The following SRGAP3 variants were observed in gnomAD, a reference collection of about 807,000 sequenced individuals.
SRGAP3 encodes the protein SLIT-ROBO Rho GTPase activating protein 3.
Under a neutral mutation model 121.1 loss-of-function variants are expected in SRGAP3, and 39 were observed. That is an observed-to-expected ratio of 0.32 (90% CI 0.25 to 0.42). The LOEUF (loss-of-function observed/expected upper bound fraction) is 0.42. Ranked by LOEUF, SRGAP3 falls within the 10% of genes least tolerant of loss-of-function variation. SRGAP3 has a pLI of 1.00. For synonymous variants in SRGAP3, 601 were observed against 570.0 expected, an observed-to-expected ratio of 1.05 and a Z score of -0.77; for missense variants, 1,213 against 1,470.6, an observed-to-expected ratio of 0.82 and a Z score of 2.86.
At position 9,013,811 on chromosome 3, in the gene SRGAP3, C is replaced by T; in HGVS notation, c.1845G>A (p.Gln615=). ...KLENPAERVH[Q]IQQILVTLPR... ...GAAGGGTGACGAGGATTTGTTGGAT[C>T]TGGTGCACCCTCTCGGCTGGGTTCT... The change falls in exon 16 of 22, where the codon CAG becomes CAA. Residue 615 remains glutamine, a synonymous_variant. Coordinates refer to ENST00000383836, the MANE Select transcript of SRGAP3 (RefSeq NM_014850.4). 1 of 1,614,190 alleles carries T rather than the reference C, an allele frequency of 6.2e-7. No homozygotes were observed. Among genetic ancestry groups the T allele is most frequent in the South Asian group, 1.1e-5 (1 of 91,086 alleles).
At chr3:9,096,977 A>ATATATATG (rs1948006912) in intron 3 of SRGAP3, among the ~76,000 whole-genome samples, 2 of 94,408 alleles carry the variant, frequency 2.1e-5, no homozygotes, top group Non-Finnish European at 4.2e-5. Context: ...ATATATATAT[A>ATATATATG]TATACACATA....
chr3:9,334,635 A>C (rs1024363872), intron 1 of SRGAP3, among the ~76,000 whole-genome samples: 1 of 152,176 alleles, frequency 6.6e-6, no homozygotes, highest in African/African-American at 2.4e-5. Context: ...GACAAGATGG[A>C]GGGTCCCCCT....
At chr3:9,251,151 C>T (rs372300727), upstream of SRGAP3, among the ~76,000 whole-genome samples, 270 of 151,644 alleles carry the variant, frequency 1.8e-3, 1 homozygote, top group African/African-American at 6.1e-3. Flanking sequence ...GGGAGTGAGG[C>T]GGGGCAGGAT....
chr3:9,307,687 C>T (rs1955180462), intron 3 of SRGAP3, among the ~76,000 whole-genome samples: 1 of 152,194 alleles, frequency 6.6e-6, no homozygotes, highest in Admixed American at 6.5e-5. Flanking sequence ...ACACAGATGG[C>T]ATCTTTGGCA....
chr3:9,340,065 A>C (rs1445382283), intron 1 of SRGAP3, among the ~76,000 whole-genome samples: 1 of 152,168 alleles, frequency 6.6e-6, no homozygotes, highest in Non-Finnish European at 1.5e-5. Context: ...AGTGAAGCAC[A>C]AGCAGTTCAG....
intron 3 of SRGAP3, among the ~76,000 whole-genome samples, chr3:9,309,948 A>G (rs921008135): frequency 2.0e-5 from 3 of 152,210 alleles, no homozygotes; most frequent in Admixed American, 1.3e-4. Context: ...GCATCTAATA[A>G]GTACTGGGCA....
At chr3:9,147,480 G>A (rs973442229) in intron 1 of SRGAP3, among the ~76,000 whole-genome samples, 1 of 152,070 alleles carries the variant, frequency 6.6e-6, no homozygotes, top group African/African-American at 2.4e-5. Flanking sequence ...GTCAGGTGCT[G>A]TAGCCACAAC....
chr3:9,133,111 A>G (rs1949520433), intron 1 of SRGAP3, among the ~76,000 whole-genome samples: 1 of 151,350 alleles, frequency 6.6e-6, no homozygotes, highest in Non-Finnish European at 1.5e-5. Flanking sequence ...AATGTTAAAT[A>G]TATTATTTCC....
intron 1 of SRGAP3, among the ~76,000 whole-genome samples, chr3:9,145,335 G>C (rs575952691): frequency 6.6e-6 from 1 of 152,058 alleles, no homozygotes; most frequent in Non-Finnish European, 1.5e-5. Flanking sequence ...ACCTCAGGTG[G>C]TCCACTTACC....
In SRGAP3 at chr3:9,109,011, TAAG is replaced by T. The variant is rs1948521916; in HGVS notation, c.261-4172_261-4170del. Among the ~76,000 whole-genome samples the T allele has an allele frequency of 6.6e-6, 1 of 152,126 alleles. No individual in the cohort carries two copies. Among genetic ancestry groups the T allele is most frequent in the Non-Finnish European group, 1.5e-5 (1 of 68,004 alleles). The stretch of plus-strand genomic sequence containing the variant: ...TAGATGCTGATGACATGAACTGAGA[TAAG>T]AACTGCAAGGGGAGCAGTAGGTTTG... On this transcript the variant is annotated intron_variant, in intron 2 of 21. Coordinates refer to ENST00000383836, the MANE Select transcript of SRGAP3 (RefSeq NM_014850.4). This position sits in a 1 kb window ranked among gnomAD's most constrained non-coding sequence, Gnocchi z 4.4.
At chr3:9,196,206 G>A (rs1287647812) in intron 1 of SRGAP3, among the ~76,000 whole-genome samples, 3 of 152,214 alleles carry the variant, frequency 2.0e-5, no homozygotes, top group Non-Finnish European at 2.9e-5. Flanking sequence ...TCTGCCCAGC[G>A]GGGCGGGGTT....
rs569420012 is a variant in SRGAP3, at chr3:8,982,971, G to A, written c.*2548C>T. ...ATTCAGAGAAAAATCCACACGGTCT[G>A]ATTGGTGTTATGTATATCAGGCAAC... On this transcript the variant is annotated 3_prime_UTR_variant, in exon 22 of 22. Coordinates refer to ENST00000383836, the MANE Select transcript of SRGAP3 (RefSeq NM_014850.4). 10 of 229,688 alleles carry A rather than the reference G, an allele frequency of 4.4e-5. No individual in the cohort carries two copies. The South Asian group carries it at 1.1e-3, about 25-fold the overall frequency. 14.2% of individuals were successfully genotyped at this position (229,688 alleles called of 1,614,324 possible). A position where few individuals can be genotyped will look rare whatever the true frequency, so the allele number is the denominator to read the frequency against.
intron 1 of SRGAP3, among the ~76,000 whole-genome samples, chr3:9,211,665 CTTT>C (rs1193329370): frequency 3.8e-4 from 46 of 121,138 alleles, no homozygotes; most frequent in Middle Eastern, 8.3e-3. Context: ...TCTTTCTTTT[CTTT>C]TTTTTTTTTT....
chr3:9,188,615 G>C (rs1255693925), intron 1 of SRGAP3, among the ~76,000 whole-genome samples: 2 of 152,234 alleles, frequency 1.3e-5, no homozygotes, highest in East Asian at 3.8e-4. Flanking sequence ...GATATTTCTT[G>C]TGCTGGAGAA....
At chr3:9,002,816 T>C (rs1942844475) in intron 18 of SRGAP3, among the ~76,000 whole-genome samples, 1 of 152,144 alleles carries the variant, frequency 6.6e-6, no homozygotes, top group Admixed American at 6.6e-5. Context: ...TGAACAATTA[T>C]ATGCCAACAA....
At chr3:9,088,136 C>T (rs1352416858) in intron 3 of SRGAP3, among the ~76,000 whole-genome samples, 1 of 152,180 alleles carries the variant, frequency 6.6e-6, no homozygotes, top group East Asian at 1.9e-4. Flanking sequence ...CGACACCATA[C>T]CCAGCCCTTA....
intron 3 of SRGAP3, among the ~76,000 whole-genome samples, chr3:9,301,823 T>C (rs1444324230): frequency 6.6e-6 from 1 of 152,186 alleles, no homozygotes; most frequent in African/African-American, 2.4e-5. Flanking sequence ...ACAATAATAG[T>C]ACCTACTTCA....
chr3:9,259,014 G>A (rs533792249), intron 3 of SRGAP3, among the ~76,000 whole-genome samples: 4 of 152,234 alleles, frequency 2.6e-5, no homozygotes, highest in East Asian at 3.9e-4. Flanking sequence ...CATCCGCCTC[G>A]CTCCTAAGCC....
At chr3:9,173,395 C>T (rs961790641) in intron 1 of SRGAP3, among the ~76,000 whole-genome samples, 3 of 152,290 alleles carry the variant, frequency 2.0e-5, no homozygotes, top group African/African-American at 7.2e-5. Flanking sequence ...GTTTGAGAGT[C>T]ACTGACACCT....
Sources: allele counts gnomAD v4.1 joint callset (sites outside exome capture counted in the v4.1 genomes callset), GRCh38; gene constraint gnomAD v4.1.1; non-coding constraint Gnocchi (gnomAD v3.1); transcripts MANE v1.5; gene names NCBI Gene and HGNC (gene_info 2026-07-23, HGNC 2026-07-21).